NUP88: variants seen among roughly 807,000 people sequenced by gnomAD.
NUP88 encodes nucleoporin 88.
In NUP88, 57 loss-of-function variants were observed where a neutral mutation model predicts 93.9. That is an observed-to-expected ratio of 0.61 (90% CI 0.49 to 0.76). NUP88 has a LOEUF of 0.76. Ranked by LOEUF, NUP88 falls within the 30% of genes least tolerant of loss-of-function variation. NUP88 has a pLI of 0.00. For synonymous variants in NUP88, 346 were observed against 336.8 expected (o/e 1.03, Z -0.30); for missense variants, 911 against 901.0 (o/e 1.01, Z -0.14).
chr17:5,387,247 T>C, intron 14 of NUP88, 137 bp from the exon 15 acceptor site: 1 of 1,242,264 alleles, frequency 8.0e-7, no homozygotes, highest in Non-Finnish European at 1.1e-6. Context: ...GCCTCATGTT[T>C]TCCCCAACAT....
At chr17:5,400,509 A>C (rs56004532) in intron 7 of NUP88, among the ~76,000 whole-genome samples, 2 of 129,598 alleles carry the variant, frequency 1.5e-5, no homozygotes, top group Non-Finnish European at 3.4e-5. Context: ...AAAAAAAAAA[A>C]AAAAAAAACT....
At chr17:5,404,968 A>C (rs1172454288) in intron 6 of NUP88, 89 bp downstream of exon 6, 2 of 1,132,296 alleles carry the variant, frequency 1.8e-6, no homozygotes, top group Non-Finnish European at 2.4e-6. Flanking sequence ...AGTAAGTTAA[A>C]ATTCCTTCTC....
Position 5,387,776 on chromosome 17 carries a change from T to C in NUP88, c.1769+3A>G. The C allele has an allele frequency of 6.2e-7, 1 of 1,612,472 alleles. No homozygotes were observed. On this transcript the variant is annotated splice_donor_region_variant and intron_variant, in intron 12 of 16. Coordinates refer to ENST00000573584, the MANE Select transcript of NUP88 (RefSeq NM_002532.6). The stretch of plus-strand genomic sequence containing the variant: ...GATGGTTTGTGAACACAGGACATCA[T>C]ACCTCCGCTGAATCTCCTCCTTTGC...
chr17:5,401,845 C>T (rs1314793168), intron 7 of NUP88, among the ~76,000 whole-genome samples: 2 of 152,120 alleles, frequency 1.3e-5, no homozygotes, highest in African/African-American at 4.8e-5. Flanking sequence ...TAAAAAGAGC[C>T]AACATTTACT....
intron 3 of NUP88, among the ~76,000 whole-genome samples, chr17:5,411,082 G>A (rs1340065027): frequency 6.6e-6 from 1 of 151,824 alleles, no homozygotes; most frequent in Non-Finnish European, 1.5e-5. Flanking sequence ...AGCTATACTC[G>A]CCTTGTCCAG....
Position 5,404,110 on chromosome 17 carries a change from T to G in NUP88, c.1181A>C (p.Lys394Thr). 1 of 1,614,108 alleles carries G rather than the reference T, an allele frequency of 6.2e-7. No homozygotes were observed. Among genetic ancestry groups the G allele is most frequent in the Non-Finnish European group, 8.5e-7 (1 of 1,179,990 alleles). The part of the protein sequence containing the change: ...PFDSDFSCPV[K>T]LHRDPKCPSR... The stretch of plus-strand genomic sequence containing the variant: ...ATTGAAGAGCTTACCTCTATGAAGT[T>G]TGACTGGACAAGAAAAGTCAGAATC... Residue 394 changes from lysine (K) to threonine (T), a missense_variant, in exon 7 of 17, where the codon AAA becomes ACA. Coordinates refer to ENST00000573584, the MANE Select transcript of NUP88 (RefSeq NM_002532.6).
chr17:5,405,755 G>A (rs1913454795), intron 5 of NUP88, among the ~76,000 whole-genome samples: 1 of 152,154 alleles, frequency 6.6e-6, no homozygotes, highest in African/African-American at 2.4e-5. Flanking sequence ...ACTGGTTAAC[G>A]ACTACTGCTA....
rs1181730850 is a variant in NUP88, at chr17:5,419,417, G to A, written c.234C>T (p.Phe78=). ...TGGGGCCCCGAAGGCGAACGACTAA[G>A]AAGGAGCTGTCTTCTCCGTCCCACA... is the stretch of plus-strand genomic sequence containing the variant. The part of the protein sequence containing the change: ...LFLWDGEDSS[F]LVVRLRGPSG... Residue 78 remains phenylalanine (F), a synonymous_variant, in exon 1 of 17, where the codon TTC becomes TTT. Coordinates refer to ENST00000573584, the MANE Select transcript of NUP88 (RefSeq NM_002532.6). 3.1e-6 allele frequency: 5 copies of A among 1,613,336 alleles called. No individual in the cohort carries two copies. The highest frequency in any genetic ancestry group is 4.5e-5 in the East Asian group (2 of 44,852).
chr17:5,388,096 G>A (rs956635944), intron 11 of NUP88, 192 bp from the exon 12 acceptor site: 5 of 438,554 alleles, frequency 1.1e-5, no homozygotes, highest in Non-Finnish European at 2.0e-5. Context: ...CACCTCCCAG[G>A]TTCGAGCAAT....
chr17:5,416,188 T>TACACACACATACACACACAC (rs1914138861), intron 2 of NUP88, among the ~76,000 whole-genome samples: 3 of 126,200 alleles, frequency 2.4e-5, no homozygotes, highest in Admixed American at 8.3e-5. Context: ...TATACACACA[T>TACACACACATACACACACAC]ACACACACAC....
Position 5,410,768 on chromosome 17 carries a change from C to T in NUP88, c.615G>A (p.Pro205=), listed in dbSNP as rs148748521. Reference sequence around the variant, plus strand: ...GTATTATCACGTTAGTGGGTGTCTGCGGCTCACGTAGTGAGTAAATTCTAG... The same window carrying T: ...GTATTATCACGTTAGTGGGTGTCTGTGGCTCACGTAGTGAGTAAATTCTAG... ...NVIRIYSLRE[P]QTPTNVIILS... is the part of the protein sequence containing the mutation. Residue 205 remains proline, a synonymous_variant, in exon 4 of 17, where the codon CCG becomes CCA. Coordinates refer to ENST00000573584, the MANE Select transcript of NUP88 (RefSeq NM_002532.6). 209 of 1,611,292 alleles carry T rather than the reference C, an allele frequency of 1.3e-4. No homozygotes were observed. Among genetic ancestry groups the T allele is most frequent in the African/African-American group, 3.9e-4 (29 of 74,932 alleles).
In NUP88 at chr17:5,419,656, C is replaced by A. The variant is rs1249551414; in HGVS notation, c.-6G>T. ...GGTCCCTCGGCGGCCGCCATCTTGG[C>A]CCAACTGCTCCCCTCACTCCAGTTG... is the stretch of plus-strand genomic sequence containing the variant. On this transcript the variant is annotated 5_prime_UTR_variant, in exon 1 of 17. Coordinates refer to ENST00000573584, the MANE Select transcript of NUP88 (RefSeq NM_002532.6). 2 of 1,578,028 alleles carry A rather than the reference C, an allele frequency of 1.3e-6. No individual in the cohort carries two copies. The highest frequency in any genetic ancestry group is 3.4e-5 in the Admixed American group (2 of 59,126).
chr17:5,402,578 G>A (rs1913237472), intron 7 of NUP88, among the ~76,000 whole-genome samples: 1 of 152,168 alleles, frequency 6.6e-6, no homozygotes, highest in Non-Finnish European at 1.5e-5. Flanking sequence ...CTATACTTTA[G>A]TACAGAGTTG....
chr17:5,408,657 C>G (rs998735200), intron 5 of NUP88, 76 bp downstream of exon 5: 6 of 1,143,268 alleles, frequency 5.2e-6, no homozygotes, highest in Non-Finnish European at 6.2e-6. Context: ...AACATGGCTC[C>G]CAAGTCCAGC....
chr17:5,411,334 T>C (rs574002245), intron 3 of NUP88, among the ~76,000 whole-genome samples: 31 of 152,120 alleles, frequency 2.0e-4, no homozygotes, highest in Non-Finnish European at 4.1e-4. Flanking sequence ...GAGGCCGAGG[T>C]GAGCAGATCA....
intron 10 of NUP88, among the ~76,000 whole-genome samples, chr17:5,389,485 C>T (rs1000530647): frequency 3.3e-5 from 5 of 152,050 alleles, no homozygotes; most frequent in Admixed American, 6.6e-5. Flanking sequence ...ACAATTCTAA[C>T]GTGAATGTTT....
chr17:5,406,070 T>C (rs1913471057), intron 5 of NUP88, among the ~76,000 whole-genome samples: 1 of 152,232 alleles, frequency 6.6e-6, no homozygotes, highest in Non-Finnish European at 1.5e-5. Flanking sequence ...TGCTAGATGA[T>C]ACTCCCAGTG....
Position 5,395,041 on chromosome 17 carries a change from G to C in NUP88, c.1292-60C>G, listed in dbSNP as rs1597318692. 6.7e-6 allele frequency: 7 copies of C among 1,041,000 alleles called. No individual in the cohort carries two copies. In the East Asian group the frequency reaches 1.7e-4, roughly 25 times the overall value. 64.5% of individuals were successfully genotyped at this position (1,041,000 alleles called of 1,614,324 possible). A position where few individuals can be genotyped will look rare whatever the true frequency, so the allele number is the denominator to read the frequency against. ...CTTAGACAAGTCTCCAAATTAAAATGCTAATGATATTGGGTTAAATGCAGT... is the reference window on the plus strand; with the variant it reads ...CTTAGACAAGTCTCCAAATTAAAATCCTAATGATATTGGGTTAAATGCAGT... On this transcript the variant is annotated intron_variant, in intron 8 of 16. Transcript: ENST00000573584.
rs199804588 is a variant in NUP88, at chr17:5,400,139, T to TAAAAAAAAAAAAAAAAA, written c.1193-490_1193-489insTTTTTTTTTTTTTTTTT. Among the ~76,000 whole-genome samples, 21 of 111,638 alleles carry TAAAAAAAAAAAAAAAAA rather than the reference T, an allele frequency of 1.9e-4. 4 individuals carry two copies. Among genetic ancestry groups the TAAAAAAAAAAAAAAAAA allele is most frequent in the Admixed American group, 2.8e-4 (3 of 10,766 alleles). 73.2% of individuals were successfully genotyped at this position (111,638 alleles called of 152,430 possible). A position where few individuals can be genotyped will look rare whatever the true frequency, so the allele number is the denominator to read the frequency against. On this transcript the variant is annotated intron_variant, in intron 7 of 16. Coordinates refer to ENST00000573584, the MANE Select transcript of NUP88 (RefSeq NM_002532.6). ...GCAGGGTTGCCACATCTTTCATTTGTTAAAAAAAAAAAAAAAAAGCACTGT... is the reference window on the plus strand; with the variant it reads ...GCAGGGTTGCCACATCTTTCATTTGTAAAAAAAAAAAAAAAAATAAAAAAAAAAAAAAAAAGCACTGT...
Sources: gnomAD v4.1 joint callset for allele counts (sites outside exome capture counted in the v4.1 genomes callset) on GRCh38, gnomAD v4.1.1 for gene constraint, MANE v1.5 for transcripts, NCBI Gene and HGNC (gene_info 2026-07-23, HGNC 2026-07-21) for gene names.